Variants in SHISA6 observed in about 807,000 individuals in gnomAD.
SHISA6 encodes the protein shisa family member 6.
Under a neutral mutation model 47.9 loss-of-function variants are expected in SHISA6, and 22 were observed. The ratio of observed to expected loss-of-function variants is 0.46; its 90% CI spans 0.33 to 0.66. SHISA6 has a LOEUF of 0.66. Ranked by LOEUF, SHISA6 falls within the 30% of genes least tolerant of loss-of-function variation. The probability of loss-of-function intolerance (pLI) is 0.02; values close to 1 mark genes in which losing one functional copy is unlikely to be tolerated. For synonymous variants in SHISA6, 388 were observed against 337.8 expected (o/e 1.15, Z -1.63); for missense variants, 680 against 764.6 (o/e 0.89, Z 1.30).
intron 3 of SHISA6, among the ~76,000 whole-genome samples, chr17:11,543,933 AAAG>A (rs2071857499): frequency 6.6e-6 from 1 of 151,056 alleles, no homozygotes; most frequent in African/African-American, 2.4e-5. Context: ...AAAACAAAAA[AAAG>A]AACTTCAATG....
chr17:11,553,494 G>A (rs1361019744), intron 4 of SHISA6, among the ~76,000 whole-genome samples: 1 of 152,150 alleles, frequency 6.6e-6, no homozygotes, highest in Non-Finnish European at 1.5e-5. Flanking sequence ...ACTGGTGCAA[G>A]GAGATGGGGG....
chr17:11,460,661 G>A (rs1055808950), intron 3 of SHISA6, among the ~76,000 whole-genome samples: 2 of 152,210 alleles, frequency 1.3e-5, no homozygotes, highest in Non-Finnish European at 2.9e-5. Context: ...AAAGTGCTGG[G>A]ATTACAGGCA....
chr17:11,545,392 G>A (rs2071875062), intron 3 of SHISA6, among the ~76,000 whole-genome samples: 1 of 152,138 alleles, frequency 6.6e-6, no homozygotes, highest in Non-Finnish European at 1.5e-5. Context: ...GGAAGGGGTG[G>A]GTGCAGGAAG....
At chr17:11,466,540 A>G (rs1024376832) in intron 3 of SHISA6, among the ~76,000 whole-genome samples, 1 of 152,166 alleles carries the variant, frequency 6.6e-6, no homozygotes, top group African/African-American at 2.4e-5. Context: ...GCCTGCCACC[A>G]GTGGGTGTGC....
intron 2 of SHISA6, among the ~76,000 whole-genome samples, chr17:11,361,655 C>G (rs1406532175): frequency 6.6e-6 from 1 of 152,186 alleles, no homozygotes; most frequent in East Asian, 1.9e-4. Context: ...TCAGCACTTC[C>G]CTATGTGTGG....
At chr17:11,452,845 C>T (rs1313823000) in intron 3 of SHISA6, among the ~76,000 whole-genome samples, 1 of 151,298 alleles carries the variant, frequency 6.6e-6, no homozygotes, top group Non-Finnish European at 1.5e-5. Context: ...TCTTCCTCTA[C>T]TCCTTGTTCT....
intron 2 of SHISA6, among the ~76,000 whole-genome samples, chr17:11,300,149 CAAAAA>C (rs56060137): frequency 2.3e-5 from 3 of 129,162 alleles, no homozygotes; most frequent in Admixed American, 8.0e-5. Context: ...CATCTTAAAA[CAAAAA>C]AAAAAAAAAA....
At chr17:11,438,970 G>T (rs1442052268) in intron 3 of SHISA6, among the ~76,000 whole-genome samples, 1 of 152,078 alleles carries the variant, frequency 6.6e-6, no homozygotes, top group Non-Finnish European at 1.5e-5. Flanking sequence ...AGGATGAAGG[G>T]CAGGGAAAGA....
At chr17:11,333,953 G>T (rs1911225112) in intron 2 of SHISA6, among the ~76,000 whole-genome samples, 1 of 152,174 alleles carries the variant, frequency 6.6e-6, no homozygotes, top group Non-Finnish European at 1.5e-5. Context: ...TCCAGAGAGG[G>T]CACAGAAGCT....
At chr17:11,356,755 G>A (rs925351699) in intron 2 of SHISA6, among the ~76,000 whole-genome samples, 4 of 152,134 alleles carry the variant, frequency 2.6e-5, no homozygotes. Context: ...GCACAGCAAA[G>A]TCTCTGCTGG....
chr17:11,394,630 T>G (rs1382609862), intron 3 of SHISA6, among the ~76,000 whole-genome samples: 5 of 152,236 alleles, frequency 3.3e-5, no homozygotes, highest in African/African-American at 4.8e-5. Context: ...GTATATGCTA[T>G]TATACCATCA....
chr17:11,320,172 G>A (rs1205936538), intron 2 of SHISA6, among the ~76,000 whole-genome samples: 3 of 152,348 alleles, frequency 2.0e-5, no homozygotes, highest in Non-Finnish European at 4.4e-5. Flanking sequence ...AATCATTTAT[G>A]TGGACATAGT....
At chr17:11,249,283 CGT>C (rs749579629) in intron 1 of SHISA6, among the ~76,000 whole-genome samples, 2 of 150,720 alleles carry the variant, frequency 1.3e-5, no homozygotes, top group African/African-American at 2.4e-5. Context: ...ATCCAGTGGC[CGT>C]GTGTGTGTGT....
intron 1 of SHISA6, 48 bp downstream of exon 1, chr17:11,242,108 C>T (rs1297397935): frequency 1.3e-6 from 2 of 1,545,554 alleles, no homozygotes; most frequent in South Asian, 1.2e-5. Context: ...CGGCCTCACC[C>T]TCTCAGCTTG....
At chr17:11,410,551 C>T (rs1333284492) in intron 3 of SHISA6, among the ~76,000 whole-genome samples, 2 of 152,096 alleles carry the variant, frequency 1.3e-5, no homozygotes, top group South Asian at 2.1e-4. Flanking sequence ...TTCCTTTGGT[C>T]CTTGTTATGA....
chr17:11,518,373 G>GT (rs1242065219), intron 3 of SHISA6, among the ~76,000 whole-genome samples: 6 of 152,172 alleles, frequency 3.9e-5, no homozygotes, highest in Non-Finnish European at 5.9e-5. Context: ...TCAAATGATA[G>GT]TTTTTTTGCT....
chr17:11,439,985 C>T (rs1915054151), intron 3 of SHISA6, among the ~76,000 whole-genome samples: 1 of 152,172 alleles, frequency 6.6e-6, no homozygotes, highest in Admixed American at 6.5e-5. Context: ...AAAGACAACC[C>T]AGGTGGGGAA....
At chr17:11,532,280 T>G (rs1237760879) in intron 3 of SHISA6, among the ~76,000 whole-genome samples, 1 of 152,188 alleles carries the variant, frequency 6.6e-6, no homozygotes, top group Non-Finnish European at 1.5e-5. Context: ...ACGTATACCA[T>G]ATTCCACTCC....
At chr17:11,407,436 TGGAC>T (rs1913996328) in intron 3 of SHISA6, among the ~76,000 whole-genome samples, 1 of 152,120 alleles carries the variant, frequency 6.6e-6, no homozygotes, top group Non-Finnish European at 1.5e-5. Flanking sequence ...GGAAGCAGAA[TGGAC>T]CATCAGGGTT....
Sources: gnomAD v4.1 joint callset for allele counts (sites outside exome capture counted in the v4.1 genomes callset) on GRCh38, gnomAD v4.1.1 for gene constraint, MANE v1.5 for transcripts, NCBI Gene and HGNC (gene_info 2026-07-23, HGNC 2026-07-21) for gene names.